Variants in TDRP observed in about 807,000 individuals in gnomAD.
TDRP encodes the protein testis development-related protein.
In TDRP, 12 loss-of-function variants were observed where a neutral mutation model predicts 10.5. That is an observed-to-expected ratio of 1.15 (90% confidence interval 0.73 to 1.86). The LOEUF is 1.86. Ranked by LOEUF, TDRP falls within the 40% of genes most tolerant of loss-of-function variation. The probability of loss-of-function intolerance (pLI) is 0.00; values close to 1 mark genes in which losing one functional copy is unlikely to be tolerated. For missense variants in TDRP, 353 were observed against 229.2 expected, an observed-to-expected ratio of 1.54 and a Z score of -3.49; for synonymous variants, 139 against 95.4, an observed-to-expected ratio of 1.46 and a Z score of -2.67.
intron 1 of TDRP, among the ~76,000 whole-genome samples, 183 bp downstream of exon 1, chr8:544,467 G>C (rs1405640742): frequency 6.6e-6 from 1 of 152,108 alleles, no homozygotes; most frequent in Non-Finnish European, 1.5e-5. Context: ...CTCGGGTCAA[G>C]TTCTCCGACT....
intron 1 of TDRP, among the ~76,000 whole-genome samples, chr8:514,741 T>G (rs1218691924): frequency 6.6e-6 from 1 of 152,082 alleles, no homozygotes; most frequent in Admixed American, 6.6e-5. Flanking sequence ...AATGTCTATT[T>G]TTGCATTCCA....
chr8:516,642 C>A (rs1385945236), intron 1 of TDRP, among the ~76,000 whole-genome samples: 1 of 152,170 alleles, frequency 6.6e-6, no homozygotes, highest in African/African-American at 2.4e-5. Flanking sequence ...CAGGAACTCT[C>A]GTTCACTGCT....
Position 492,419 on chromosome 8 carries a change from T to C in TDRP, c.538A>G (p.Ser180Gly). ...RRQSKGHLTD[S>G]PEEAE ...CCCCCTCACTCCGCCTCCTCCGGGC[T>C]ATCTGTCAGGTGGCCTTTACTCTGC... Residue 180 changes from serine (S) to glycine (G), a missense_variant, in exon 3 of 3, where the codon AGC (serine) becomes GGC (glycine). Transcript: ENST00000324079. 1 of 1,564,228 alleles carries C rather than the reference T, an allele frequency of 6.4e-7. No homozygotes were observed. Among genetic ancestry groups the C allele is most frequent in the Non-Finnish European group, 8.7e-7 (1 of 1,151,404 alleles).
upstream of TDRP, chr8:545,017 C>G (rs1802603715): frequency 3.4e-6 from 1 of 290,298 alleles, no homozygotes; most frequent in Non-Finnish European, 6.3e-6. Flanking sequence ...AGGACCAGGC[C>G]CGCCCCAAAC....
chr8:519,505 A>C (rs1801842239), intron 1 of TDRP, among the ~76,000 whole-genome samples: 1 of 152,046 alleles, frequency 6.6e-6, no homozygotes, highest in South Asian at 2.1e-4. Flanking sequence ...CTACATGCAA[A>C]CTGTTGTACA....
intron 1 of TDRP, among the ~76,000 whole-genome samples, chr8:504,946 T>C (rs1801414942): frequency 6.6e-6 from 1 of 152,162 alleles, no homozygotes; most frequent in South Asian, 2.1e-4. Context: ...TTGGAAAGAT[T>C]TGGGGAACAG....
Position 492,170 on chromosome 8 carries a change from T to C in TDRP, c.*229A>G, listed in dbSNP as rs138440445. 6.4e-5 allele frequency: 81 copies of C among 1,258,248 alleles called. No individual in the cohort carries two copies. The African/African-American group carries it at 9.2e-4, about 14-fold the overall frequency. 77.9% of individuals were successfully genotyped at this position (1,258,248 alleles called of 1,614,324 possible). On this transcript the variant is annotated 3_prime_UTR_variant, in exon 3 of 3. Transcript: ENST00000324079. ...CCAGTTTCTGCAAAACATGGACTGA[T>C]AGGTGAATATTTCTGCAATAAGGCA...
At chr8:542,651 G>C (rs1258827384) in intron 1 of TDRP, among the ~76,000 whole-genome samples, 4 of 152,164 alleles carry the variant, frequency 2.6e-5, no homozygotes, top group Admixed American at 2.0e-4. Context: ...GATCACCTGA[G>C]ATCATGAGTT....
At chr8:515,762 T>C (rs747591512) in intron 1 of TDRP, among the ~76,000 whole-genome samples, 2 of 152,230 alleles carry the variant, frequency 1.3e-5, no homozygotes, top group Non-Finnish European at 2.9e-5. Context: ...AAGGAAAATA[T>C]AATTTTTATC....
At chr8:494,099 G>A (rs1307696496) in intron 2 of TDRP, among the ~76,000 whole-genome samples, 5 of 146,868 alleles carry the variant, frequency 3.4e-5, no homozygotes, top group Non-Finnish European at 5.9e-5. Context: ...TGGGATTATA[G>A]GCACATGCCA....
intron 1 of TDRP, among the ~76,000 whole-genome samples, chr8:533,398 A>T (rs1273086152): frequency 6.6e-6 from 1 of 151,900 alleles, no homozygotes; most frequent in African/African-American, 2.4e-5. Flanking sequence ...CTAGCTCAAA[A>T]CTTTCACCTG....
rs1260759776 is a variant in TDRP at position 490,049 on chromosome 8, A to G, written c.*2350T>C. On this transcript the variant is annotated 3_prime_UTR_variant, in exon 3 of 3. Transcript: ENST00000324079. ...TATTAAAAAATAAAAAAAGTACAGT[A>G]GAAGGAGCACAGGACAACTCTCTTC... 1 of 152,252 alleles carries G rather than the reference A, an allele frequency of 6.6e-6. No individual in the cohort carries two copies. The highest frequency in any genetic ancestry group is 2.4e-5 in the African/African-American group (1 of 41,462). 9.4% of individuals were successfully genotyped at this position (152,252 alleles called of 1,614,324 possible). A position where few individuals can be genotyped will look rare whatever the true frequency, so the allele number is the denominator to read the frequency against.
At chr8:525,566 T>C (rs539487814) in intron 1 of TDRP, among the ~76,000 whole-genome samples, 59 of 152,260 alleles carry the variant, frequency 3.9e-4, no homozygotes, top group Admixed American at 3.4e-3. Flanking sequence ...AGTGGAACTG[T>C]AGAGTTTTTA....
intron 1 of TDRP, among the ~76,000 whole-genome samples, chr8:505,012 A>G (rs930597259): frequency 6.6e-6 from 1 of 152,266 alleles, no homozygotes; most frequent in African/African-American, 2.4e-5. Context: ...TGATGAAATA[A>G]AAATATTTCA....
rs574664098 is a variant in TDRP at position 544,802 on chromosome 8, G to A, written c.-45C>T. ...TCCCTCCGTCCGTGCGTCGGGCTGT[G>A]GCTCCGCGTCCCTCCCGGCCGCCGG... On this transcript the variant is annotated 5_prime_UTR_variant, in exon 1 of 3. Transcript: ENST00000324079. 2.5e-6 allele frequency: 3 copies of A among 1,209,588 alleles called. No individual in the cohort carries two copies. The highest frequency in any genetic ancestry group is 4.2e-5 in the South Asian group (1 of 24,008). 74.9% of individuals were successfully genotyped at this position (1,209,588 alleles called of 1,614,324 possible). A position where few individuals can be genotyped will look rare whatever the true frequency, so the allele number is the denominator to read the frequency against.
upstream of TDRP, chr8:545,616 C>G (rs978275662): frequency 1.3e-5 from 2 of 152,184 alleles, no homozygotes; most frequent in Admixed American, 6.5e-5. Context: ...GCCTGTACCC[C>G]AGCGCTTCAG....
At position 543,372 on chromosome 8, in the gene TDRP, G is replaced by A. The variant is rs535379230; in HGVS notation, c.108+1278C>T. 4.6e-5 allele frequency among the ~76,000 whole-genome samples: 7 copies of A among 152,186 alleles called. No individual in the cohort carries two copies. In the South Asian group the frequency reaches 1.5e-3, roughly 32 times the overall value. On this transcript the variant is annotated intron_variant, in intron 1 of 2. Coordinates refer to ENST00000324079, the MANE Select transcript of TDRP (RefSeq NM_001384899.1). ...GGTTTCAGGATTCATTAGGAAAAAT[G>A]GGAGAACATAGGAAGACTCAGTTTA...
intron 1 of TDRP, among the ~76,000 whole-genome samples, chr8:499,565 G>A (rs1255792977): frequency 6.6e-6 from 1 of 152,232 alleles, no homozygotes; most frequent in South Asian, 2.1e-4. Flanking sequence ...CCTCTCTACT[G>A]CCAGGTGAGC....
intron 1 of TDRP, among the ~76,000 whole-genome samples, chr8:521,530 T>G (rs1340279881): frequency 6.6e-6 from 1 of 152,234 alleles, no homozygotes; most frequent in Non-Finnish European, 1.5e-5. Context: ...CAGCCCTGTT[T>G]AAGATCATGT....
Sources: allele counts gnomAD v4.1 joint callset (sites outside exome capture counted in the v4.1 genomes callset), GRCh38; gene constraint gnomAD v4.1.1; transcripts MANE v1.5; gene names NCBI Gene and HGNC (gene_info 2026-07-23, HGNC 2026-07-21).